Variants in COPB1 observed in about 807,000 individuals in gnomAD.
The protein encoded by COPB1 is coatomer subunit beta.
A neutral mutation model predicts 108.7 loss-of-function variants in COPB1; 21 were observed. That is an observed-to-expected ratio of 0.19 (90% confidence interval 0.14 to 0.28). The LOEUF (loss-of-function observed/expected upper bound fraction) is 0.28, where lower values mean the gene tolerates loss of function less well. COPB1 is among the 10% of genes least tolerant of loss of function. COPB1 has a pLI of 1.00. For synonymous variants in COPB1, 378 were observed against 386.8 expected, an observed-to-expected ratio of 0.98 and a Z score of 0.27; for missense variants, 919 against 1,141.3, an observed-to-expected ratio of 0.81 and a Z score of 2.81.
At chr11:14,480,519 TA>T (rs1339106735) in intron 10 of COPB1, among the ~76,000 whole-genome samples, 1 of 152,216 alleles carries the variant, frequency 6.6e-6, no homozygotes, top group Non-Finnish European at 1.5e-5. Context: ...TATCATCAAT[TA>T]AAATAATATG....
At chr11:14,486,282 A>G (rs1850772312) in intron 7 of COPB1, 85 bp downstream of exon 7, 1 of 1,459,912 alleles carries the variant, frequency 6.8e-7, no homozygotes, top group Non-Finnish European at 9.5e-7. Context: ...ATGTAACCAC[A>G]TAGTGAATTG....
rs1850356057 is a variant in COPB1 at position 14,469,374 on chromosome 11, A to G, written c.1927T>C (p.Leu643=). The change falls in exon 15 of 22, where the codon TTA becomes CTA. Residue 643 remains leucine (L), a synonymous_variant. Coordinates refer to ENST00000439561, the MANE Select transcript of COPB1 (RefSeq NM_001144061.2). ...TTCTCTTCTTCTAGTTTAGCAGATA[A>G]CATGTGAGAAAGGGACTGTCTGCAT... The part of the protein sequence containing the change: ...KECRQSLSHM[L]SAKLEEEKLS... 6.2e-7 allele frequency: 1 copy of G among 1,614,038 alleles called. No individual in the cohort carries two copies. Among genetic ancestry groups the G allele is most frequent in the East Asian group, 2.2e-5 (1 of 44,896 alleles).
chr11:14,474,398 G>C (rs996822155), intron 14 of COPB1, 97 bp downstream of exon 14: 1 of 1,098,908 alleles, frequency 9.1e-7, no homozygotes, highest in Non-Finnish European at 1.3e-6. Flanking sequence ...TTTCATGACA[G>C]AAACTTAGCA....
At position 14,490,532 on chromosome 11, in the gene COPB1, A is replaced by G. The variant is rs1220389116; in HGVS notation, c.606+33T>C. 3 of 1,185,924 alleles carry G rather than the reference A, an allele frequency of 2.5e-6. No homozygotes were observed. In the South Asian group the frequency reaches 4.0e-5, roughly 16 times the overall value. The allele number at this position is 1,185,924 out of a possible 1,614,324, so 73.5% of individuals were successfully genotyped here. ...ATACTTTCAATTGTCACTTAAATACAGTAATAAGAGTATTTTTTAAAAAGT... is the reference window on the plus strand; with the variant it reads ...ATACTTTCAATTGTCACTTAAATACGGTAATAAGAGTATTTTTTAAAAAGT... On this transcript the variant is annotated intron_variant, in intron 5 of 21. Coordinates refer to ENST00000439561, the MANE Select transcript of COPB1 (RefSeq NM_001144061.2).
In COPB1 at chr11:14,457,584, G is replaced by T; in HGVS notation, c.*240C>A. 1 of 333,340 alleles carries T rather than the reference G, an allele frequency of 3.0e-6. No individual in the cohort carries two copies. The highest frequency in any genetic ancestry group is 5.7e-6 in the Non-Finnish European group (1 of 174,524). 20.6% of individuals were successfully genotyped at this position (333,340 alleles called of 1,614,324 possible). On this transcript the variant is annotated 3_prime_UTR_variant, in exon 22 of 22. Transcript: ENST00000439561. ...AGATCTGTTTATTGTACTGTGAAAAGGGTCTTGGTACATGAAACATTATAT... is the reference window on the plus strand; with the variant it reads ...AGATCTGTTTATTGTACTGTGAAAATGGTCTTGGTACATGAAACATTATAT...
intron 4 of COPB1, among the ~76,000 whole-genome samples, chr11:14,491,444 C>T (rs1355238897): frequency 3.3e-5 from 5 of 152,086 alleles, no homozygotes; most frequent in Non-Finnish European, 5.9e-5. Context: ...CCCAGGTGGG[C>T]GGATCACCTG....
intron 17 of COPB1, 83 bp downstream of exon 17, chr11:14,466,199 T>C (rs944273276): frequency 3.1e-6 from 4 of 1,281,150 alleles, no homozygotes; most frequent in Middle Eastern, 2.3e-4. Context: ...AGAATTTTTA[T>C]ACTGAAACCT....
At chr11:14,474,740 A>G in intron 13 of COPB1, 125 bp from the exon 14 acceptor site, 1 of 1,343,738 alleles carries the variant, frequency 7.4e-7, no homozygotes, top group Non-Finnish European at 9.9e-7. Context: ...AGGATACCTT[A>G]GCTAACTAAC....
intron 4 of COPB1, among the ~76,000 whole-genome samples, chr11:14,493,436 G>T (rs1021205132): frequency 2.9e-4 from 44 of 152,344 alleles, no homozygotes; most frequent in African/African-American, 1.0e-3. Context: ...TGTTATACAA[G>T]TTCAGCAGAA....
rs754110889 is a variant in COPB1, at chr11:14,457,651, A to G, written c.*173T>C. The G allele has an allele frequency of 1.6e-4, 92 of 580,120 alleles. No homozygotes were observed. The highest frequency in any genetic ancestry group is 2.7e-4 in the Non-Finnish European group (85 of 319,594). The allele number at this position is 580,120 out of a possible 1,614,324, so 35.9% of individuals were successfully genotyped here. On this transcript the variant is annotated 3_prime_UTR_variant, in exon 22 of 22. Coordinates refer to ENST00000439561, the MANE Select transcript of COPB1 (RefSeq NM_001144061.2). Reference sequence around the variant, plus strand: ...TCAGAACTGTTAAGACAAAAGACAAACTATAATTTTAAACTCAATCTTGAT... The same window carrying G: ...TCAGAACTGTTAAGACAAAAGACAAGCTATAATTTTAAACTCAATCTTGAT...
chr11:14,467,144 A>G (rs1328825595), intron 16 of COPB1, among the ~76,000 whole-genome samples: 1 of 152,176 alleles, frequency 6.6e-6, no homozygotes, highest in Non-Finnish European at 1.5e-5. Flanking sequence ...CATGTATCTG[A>G]TAAGGGGGTT....
intron 1 of COPB1, 63 bp downstream of exon 1, chr11:14,499,644 T>C (rs949891024): frequency 7.6e-6 from 1 of 130,844 alleles, no homozygotes; most frequent in African/African-American, 2.8e-5. Flanking sequence ...GCAAGCGGCC[T>C]AGTCGCTCCC....
rs903679562 is a variant in COPB1, at chr11:14,479,452, T to A, written c.1358+117A>T. 8 of 923,834 alleles carry A rather than the reference T, an allele frequency of 8.7e-6. No individual in the cohort carries two copies. The Admixed American group carries it at 1.9e-4, about 22-fold the overall frequency. 57.2% of individuals were successfully genotyped at this position (923,834 alleles called of 1,614,324 possible). A position where few individuals can be genotyped will look rare whatever the true frequency, so the allele number is the denominator to read the frequency against. Reference sequence around the variant, plus strand: ...TTAGCGAGATGCTTGTTGTACAAACTTGTCTTATTTTGGCTTGATTGTCCT... The same window carrying A: ...TTAGCGAGATGCTTGTTGTACAAACATGTCTTATTTTGGCTTGATTGTCCT... On this transcript the variant is annotated intron_variant, in intron 11 of 21. Transcript: ENST00000439561.
intron 11 of COPB1, among the ~76,000 whole-genome samples, chr11:14,477,962 C>A (rs1237992366): frequency 2.0e-5 from 3 of 149,328 alleles, no homozygotes; most frequent in Admixed American, 6.7e-5. Flanking sequence ...CCTGAGATAG[C>A]GCCACTGCAC....
chr11:14,499,795 C>A lies in COPB1; in HGVS notation c.-146G>T, dbSNP rs1243388818. On this transcript the variant is annotated 5_prime_UTR_variant, in exon 1 of 22. Coordinates refer to ENST00000439561, the MANE Select transcript of COPB1 (RefSeq NM_001144061.2). Reference sequence around the variant, plus strand: ...AGCCGCGGATCCGTCTACTGCGGCTCCGTCTACTCCGGCTATGAACCGCAG... The same window carrying A: ...AGCCGCGGATCCGTCTACTGCGGCTACGTCTACTCCGGCTATGAACCGCAG... The A allele has an allele frequency of 6.5e-6, 1 of 152,962 alleles. No homozygotes were observed. The highest frequency in any genetic ancestry group is 1.5e-5 in the Non-Finnish European group (1 of 68,692). 9.5% of individuals were successfully genotyped at this position (152,962 alleles called of 1,614,324 possible).
At chr11:14,464,810 T>C in intron 18 of COPB1, 101 bp downstream of exon 18, 2 of 1,251,038 alleles carry the variant, frequency 1.6e-6, no homozygotes, top group Non-Finnish European at 2.2e-6. Flanking sequence ...TATGAATAAA[T>C]GGATTTAGAT....
At chr11:14,463,126 G>A (rs961263608) in intron 18 of COPB1, among the ~76,000 whole-genome samples, 2 of 152,136 alleles carry the variant, frequency 1.3e-5, no homozygotes, top group African/African-American at 4.8e-5. Context: ...CTTTCTGAAG[G>A]TTTTTCCTTA....
At chr11:14,458,763 CTT>C (rs34021860) in intron 20 of COPB1, 76 bp from the exon 21 acceptor site, 90,136 of 783,148 alleles carry the variant, frequency 0.12, 2 homozygotes, top group South Asian at 0.14. Context: ...GCATAGGTGA[CTT>C]TTTTTTTTTT....
chr11:14,478,471 T>C (rs1416966803), intron 11 of COPB1, among the ~76,000 whole-genome samples: 1 of 148,860 alleles, frequency 6.7e-6, no homozygotes, highest in Non-Finnish European at 1.5e-5. Context: ...AAATCAGGAA[T>C]GTATTATTTT....
Sources: allele counts gnomAD v4.1 joint callset (sites outside exome capture counted in the v4.1 genomes callset), GRCh38; gene constraint gnomAD v4.1.1; transcripts MANE v1.5; gene names NCBI Gene and HGNC (gene_info 2026-07-23, HGNC 2026-07-21).